Variants in TRPM7 observed in about 807,000 individuals in gnomAD.
TRPM7 encodes the protein LTRPC ion channel family member 7.
TRPM7 carries 134 observed loss-of-function variants against 229.7 expected under a neutral mutation model. The observed-to-expected ratio is 0.58, with a 90% CI of 0.51 to 0.67. The LOEUF is 0.67. Among genes scored for constraint, TRPM7 ranks in the 30% least tolerant of loss-of-function variants. The pLI is 0.00. For synonymous variants in TRPM7, 699 were observed against 715.2 expected (o/e 0.98, Z 0.36); for missense variants, 1,901 against 2,210.0 (o/e 0.86, Z 2.80).
At position 50,609,919 on chromosome 15, in the gene TRPM7, C is replaced by CT. The variant is rs1379635121; in HGVS notation, c.2322dup (p.Glu775ArgfsTer3). ...GACATTTCAGCCTTAGTTTTATACT[C>CT]TAACAGCAATATGGCAGGTGGAACT... is the stretch of plus-strand genomic sequence containing the variant. On this transcript the variant is annotated frameshift_variant, in exon 18 of 39. Transcript: ENST00000646667. LOFTEE classifies it high-confidence loss of function. 1 of 1,610,528 alleles carries CT rather than the reference C, an allele frequency of 6.2e-7. No homozygotes were observed. Among genetic ancestry groups the CT allele is most frequent in the African/African-American group, 1.3e-5 (1 of 74,842 alleles).
intron 1 of TRPM7, among the ~76,000 whole-genome samples, chr15:50,681,072 G>A (rs539272932): frequency 7.1e-4 from 108 of 152,210 alleles, no homozygotes; most frequent in African/African-American, 2.5e-3. Context: ...CCAACATGGT[G>A]AAACTCCGTC....
chr15:50,651,626 T>C (rs1330341808), intron 3 of TRPM7, among the ~76,000 whole-genome samples: 1 of 151,912 alleles, frequency 6.6e-6, no homozygotes, highest in Non-Finnish European at 1.5e-5. Context: ...TAAGACTCTG[T>C]CTCTAAACGA....
intron 4 of TRPM7, among the ~76,000 whole-genome samples, chr15:50,647,411 G>A (rs8040288): frequency 3.3e-5 from 5 of 152,096 alleles, no homozygotes; most frequent in Admixed American, 6.5e-5. Flanking sequence ...GATTACAGGC[G>A]TGAGCCACCG....
intron 21 of TRPM7, chr15:50,599,796 G>A (rs2059727113): frequency 6.6e-6 from 1 of 152,148 alleles, no homozygotes; most frequent in African/African-American, 2.4e-5. Context: ...CTTGTCCTGG[G>A]ATATGAAAAC....
intron 36 of TRPM7, among the ~76,000 whole-genome samples, chr15:50,573,938 T>C (rs1198294818): frequency 6.6e-6 from 1 of 151,722 alleles, no homozygotes; most frequent in East Asian, 1.9e-4. Flanking sequence ...GTGCCTGTAA[T>C]CCCAACTACT....
intron 3 of TRPM7, among the ~76,000 whole-genome samples, chr15:50,655,751 A>G (rs1034891818): frequency 1.3e-5 from 2 of 152,184 alleles, no homozygotes; most frequent in Non-Finnish European, 2.9e-5. Flanking sequence ...GAATTCCAGC[A>G]CTTTGGGAGG....
At chr15:50,609,756 C>T (rs765640144) in intron 18 of TRPM7, 32 bp from the exon 19 acceptor site, 16 of 1,583,844 alleles carry the variant, frequency 1.0e-5, no homozygotes, top group East Asian at 4.5e-5. Context: ...TTCTTTTGTA[C>T]AATTATTCAG....
At chr15:50,567,647 T>C (rs1420716329) in intron 38 of TRPM7, among the ~76,000 whole-genome samples, 1 of 151,804 alleles carries the variant, frequency 6.6e-6, no homozygotes, top group Non-Finnish European at 1.5e-5. Flanking sequence ...GTCCTAGGAA[T>C]GCAATACTGG....
At chr15:50,587,814 C>T (rs968053974) in intron 27 of TRPM7, among the ~76,000 whole-genome samples, 3 of 152,072 alleles carry the variant, frequency 2.0e-5, no homozygotes, top group African/African-American at 7.2e-5. Flanking sequence ...TTATGAAAGT[C>T]CATAAAACAT....
chr15:50,655,453 A>AC (rs1427493459), intron 3 of TRPM7, among the ~76,000 whole-genome samples: 1 of 144,304 alleles, frequency 6.9e-6, no homozygotes, highest in African/African-American at 2.5e-5. Context: ...AAAAACAAAA[A>AC]AACAAAAAAC....
intron 2 of TRPM7, among the ~76,000 whole-genome samples, chr15:50,661,738 G>A (rs1596327937): frequency 6.6e-6 from 1 of 152,128 alleles, no homozygotes; most frequent in African/African-American, 2.4e-5. Context: ...TGCAGAGAAG[G>A]TAAATGGGTA....
intron 3 of TRPM7, among the ~76,000 whole-genome samples, chr15:50,652,750 C>T (rs2061458485): frequency 6.6e-6 from 1 of 152,060 alleles, no homozygotes; most frequent in Admixed American, 6.6e-5. Context: ...CCCGTAATTC[C>T]AGCTACTTAG....
In TRPM7 at chr15:50,575,000, C is replaced by T. The variant is rs2054065690; in HGVS notation, c.4871G>A (p.Arg1624Gln). 3 of 1,614,070 alleles carry T rather than the reference C, an allele frequency of 1.9e-6. No individual in the cohort carries two copies. The highest frequency in any genetic ancestry group is 2.5e-6 in the Non-Finnish European group (3 of 1,180,004). Reference protein sequence around the residue: ...LSKEEMGGGLRRAVKVQCTWS... With the variant: ...LSKEEMGGGLQRAVKVQCTWS... ...GGTACACTGTACTTTGACAGCTCTT[C>T]GTAAACCTCCTCCCATCTCCTCTTT... The change falls in exon 34 of 39, where the codon CGA (arginine) becomes CAA (glutamine). Residue 1624 changes from arginine to glutamine, a missense_variant. Physicochemically the swap from Arg to Gln is conservative, Grantham distance 43. Coordinates refer to ENST00000646667, the MANE Select transcript of TRPM7 (RefSeq NM_017672.6).
At position 50,657,830 on chromosome 15, in the gene TRPM7, CA is replaced by C; in HGVS notation, c.84-12del. ...CATCCTGGAAGGCATCTATTGAACA[CA>C]AAAAGGTAAATAAATTATTTCAGGT... On this transcript the variant is annotated splice_polypyrimidine_tract_variant and intron_variant, in intron 2 of 38. Coordinates refer to ENST00000646667, the MANE Select transcript of TRPM7 (RefSeq NM_017672.6). 1.2e-6 allele frequency: 2 copies of C among 1,606,122 alleles called. No homozygotes were observed. Among genetic ancestry groups the C allele is most frequent in the Non-Finnish European group, 1.7e-6 (2 of 1,175,450 alleles).
At position 50,643,929 on chromosome 15, in the gene TRPM7, G is replaced by GA. The variant is rs201431901; in HGVS notation, c.322-377dup. On this transcript the variant is annotated intron_variant, in intron 4 of 38. Coordinates refer to ENST00000646667, the MANE Select transcript of TRPM7 (RefSeq NM_017672.6). ...GACTGGCTGAAGAGGATCGGAAAAG[G>GA]AAAAAAAAGGAATTAGGGGGGAAAA... Among the ~76,000 whole-genome samples the GA allele has an allele frequency of 9.8e-5, 13 of 133,008 alleles. No homozygotes were observed. The East Asian group carries it at 1.2e-3, about 12-fold the overall frequency. The allele number at this position is 133,008 out of a possible 152,430, so 87.3% of individuals were successfully genotyped here. A position where few individuals can be genotyped will look rare whatever the true frequency, so the allele number is the denominator to read the frequency against.
intron 12 of TRPM7, 92 bp downstream of exon 12, chr15:50,624,074 G>C: frequency 3.9e-6 from 5 of 1,286,842 alleles, no homozygotes; most frequent in Admixed American, 5.1e-5. Flanking sequence ...AAGACATTAA[G>C]GGTTTTATCA....
intron 12 of TRPM7, among the ~76,000 whole-genome samples, chr15:50,620,599 T>C (rs114936141): frequency 0.014 from 2,119 of 152,302 alleles, 47 homozygotes; most frequent in African/African-American, 0.049. Flanking sequence ...TGCATATGAA[T>C]CATATTTTAC....
At position 50,560,864 on chromosome 15, in the gene TRPM7, G is replaced by A. The variant is rs1448324165; in HGVS notation, c.*814C>T. 3 of 152,574 alleles carry A rather than the reference G, an allele frequency of 2.0e-5. No individual in the cohort carries two copies. The highest frequency in any genetic ancestry group is 4.4e-5 in the Non-Finnish European group (3 of 68,012). The allele number at this position is 152,574 out of a possible 1,614,324, so 9.5% of individuals were successfully genotyped here. A position where few individuals can be genotyped will look rare whatever the true frequency, so the allele number is the denominator to read the frequency against. ...GCTATAGATACAGATAGGGAAAAAA[G>A]TACTTTAACTTTCCTCAAAAGGTAA... On this transcript the variant is annotated 3_prime_UTR_variant, in exon 39 of 39. Coordinates refer to ENST00000646667, the MANE Select transcript of TRPM7 (RefSeq NM_017672.6).
intron 1 of TRPM7, among the ~76,000 whole-genome samples, chr15:50,677,080 A>G (rs1314634176): frequency 1.3e-5 from 2 of 152,188 alleles, no homozygotes; most frequent in East Asian, 1.9e-4. Context: ...TTGGTGGGAT[A>G]ACAACTGAAA....
Sources: gnomAD v4.1 joint callset for allele counts (sites outside exome capture counted in the v4.1 genomes callset) on GRCh38, gnomAD v4.1.1 for gene constraint, MANE v1.5 for transcripts, NCBI Gene and HGNC (gene_info 2026-07-23, HGNC 2026-07-21) for gene names.